The following GTF2E1 variants were observed in gnomAD, a reference collection of about 807,000 sequenced individuals.
GTF2E1 encodes the protein TFIIE alpha subunit.
GTF2E1 carries 14 observed loss-of-function variants against 34.9 expected under a neutral mutation model. The observed-to-expected ratio is 0.40, with a 90% CI of 0.27 to 0.63. The LOEUF (loss-of-function observed/expected upper bound fraction) is 0.63, where lower values mean the gene tolerates loss of function less well. GTF2E1 is among the 20% of genes least tolerant of loss of function. The probability of loss-of-function intolerance (pLI) is 0.39; values close to 1 mark genes in which losing one functional copy is unlikely to be tolerated. For missense variants in GTF2E1, 469 were observed against 557.7 expected (o/e 0.84, Z 1.60); for synonymous variants, 188 against 192.9 (o/e 0.97, Z 0.21).
chr3:120,748,094 G>T (rs1709124129), intron 1 of GTF2E1, among the ~76,000 whole-genome samples: 1 of 152,072 alleles, frequency 6.6e-6, no homozygotes, highest in South Asian at 2.1e-4. Flanking sequence ...TTTTGATGGG[G>T]TTGTTTGTTT....
intron 4 of GTF2E1, among the ~76,000 whole-genome samples, chr3:120,777,705 T>G (rs2107613791): frequency 6.6e-6 from 1 of 152,310 alleles, no homozygotes; most frequent in South Asian, 2.1e-4. Context: ...TACTTTACCC[T>G]CCTTCTTCCT....
chr3:120,780,155 A>G (rs1181212601), intron 4 of GTF2E1, among the ~76,000 whole-genome samples: 2 of 152,224 alleles, frequency 1.3e-5, no homozygotes, highest in Non-Finnish European at 2.9e-5. Context: ...TTCAGTGCCT[A>G]ACAGAGTGGC....
intron 1 of GTF2E1, among the ~76,000 whole-genome samples, chr3:120,743,298 T>A (rs1367343696): frequency 1.3e-5 from 2 of 152,202 alleles, no homozygotes; most frequent in Non-Finnish European, 2.9e-5. Context: ...CTGCAGTCAG[T>A]ACAATCTTTT....
intron 4 of GTF2E1, among the ~76,000 whole-genome samples, chr3:120,777,476 T>A (rs868220934): frequency 2.0e-4 from 30 of 152,282 alleles, no homozygotes; most frequent in Middle Eastern, 6.8e-3. Context: ...AGTTTGGTGA[T>A]ATGTTAGTGC....
intron 2 of GTF2E1, among the ~76,000 whole-genome samples, chr3:120,761,727 G>A (rs527868168): frequency 2.7e-5 from 4 of 150,520 alleles, no homozygotes; most frequent in East Asian, 3.9e-4. Context: ...GTAGTTGTGC[G>A]TTTTGAGTGA....
At chr3:120,746,033 T>C (rs1250640932) in intron 1 of GTF2E1, among the ~76,000 whole-genome samples, 1 of 152,176 alleles carries the variant, frequency 6.6e-6, no homozygotes, top group Non-Finnish European at 1.5e-5. Context: ...TGACTTTTAC[T>C]TTTCCTTTAT....
chr3:120,761,991 C>T (rs1037688591), intron 2 of GTF2E1, among the ~76,000 whole-genome samples: 26 of 151,986 alleles, frequency 1.7e-4, no homozygotes, highest in Admixed American at 6.5e-5. Context: ...GGGATTTCAC[C>T]GTGTTAGCCA....
chr3:120,776,269 A>T (rs1709398368), intron 3 of GTF2E1, among the ~76,000 whole-genome samples, 154 bp from the exon 4 acceptor site: 1 of 152,240 alleles, frequency 6.6e-6, no homozygotes, highest in African/African-American at 2.4e-5. Context: ...GAGGTATAGA[A>T]GCACTTTCTT....
At chr3:120,749,898 A>G (rs181292883) in intron 1 of GTF2E1, 3 of 152,208 alleles carry the variant, frequency 2.0e-5, no homozygotes, top group East Asian at 1.9e-4. Context: ...CTCATTTTCT[A>G]CCTTTTTAAG....
At chr3:120,747,988 C>G (rs1293798266) in intron 1 of GTF2E1, among the ~76,000 whole-genome samples, 1 of 151,894 alleles carries the variant, frequency 6.6e-6, no homozygotes, top group African/African-American at 2.4e-5. Context: ...ATTTGCATTT[C>G]TCTGATGGCC....
At chr3:120,770,969 A>G in intron 3 of GTF2E1, 40 bp downstream of exon 3, 1 of 1,536,834 alleles carries the variant, frequency 6.5e-7, no homozygotes, top group Non-Finnish European at 9.0e-7. Flanking sequence ...AACACATTTC[A>G]ACCTGTTCTT....
chr3:120,758,586 G>A (rs1261453941), intron 2 of GTF2E1, among the ~76,000 whole-genome samples: 3 of 43,098 alleles, frequency 7.0e-5, no homozygotes, highest in African/African-American at 1.5e-4. Context: ...TCCCACCCCC[G>A]ACAGGCCCTG....
chr3:120,768,153 A>C (rs568419990), intron 2 of GTF2E1, among the ~76,000 whole-genome samples: 2 of 152,230 alleles, frequency 1.3e-5, no homozygotes, highest in South Asian at 4.1e-4. Flanking sequence ...TTGGATAATG[A>C]TAATGCTAAG....
intron 1 of GTF2E1, chr3:120,750,031 G>A (rs73183712): frequency 0.021 from 3,255 of 153,224 alleles, 53 homozygotes; most frequent in Middle Eastern, 0.054. Flanking sequence ...CACCCCAGGT[G>A]GTGATTACTC....
chr3:120,766,764 A>C (rs981621540), intron 2 of GTF2E1, among the ~76,000 whole-genome samples: 4 of 151,928 alleles, frequency 2.6e-5, no homozygotes, highest in South Asian at 4.1e-4. Context: ...TTTCTTCCCT[A>C]CTAAAGCTTC....
intron 2 of GTF2E1, among the ~76,000 whole-genome samples, chr3:120,753,752 A>C (rs1416474025): frequency 6.6e-6 from 1 of 152,176 alleles, no homozygotes; most frequent in African/African-American, 2.4e-5. Flanking sequence ...ACTTCAGTTT[A>C]CTACTATTTC....
intron 1 of GTF2E1, among the ~76,000 whole-genome samples, chr3:120,746,132 G>C (rs1385895965): frequency 6.6e-6 from 1 of 152,152 alleles, no homozygotes; most frequent in African/African-American, 2.4e-5. Context: ...GTATGGTACT[G>C]TGGATATAAA....
chr3:120,777,125 G>C lies in GTF2E1; in HGVS notation c.892+461G>C, dbSNP rs77130611. On this transcript the variant is annotated intron_variant, in intron 4 of 4. Coordinates refer to ENST00000283875, the MANE Select transcript of GTF2E1 (RefSeq NM_005513.3). ...GATACAAAGAGACCACATGAATAAA[G>C]GATTGAGCATTCTCACAGTCCAAGA... Among the ~76,000 whole-genome samples the C allele has an allele frequency of 6.0e-3, 919 of 152,248 alleles. 13 individuals carry two copies. Among genetic ancestry groups the C allele is most frequent in the African/African-American group, 0.021 (869 of 41,546 alleles).
intron 2 of GTF2E1, among the ~76,000 whole-genome samples, chr3:120,760,224 C>T (rs1709247972): frequency 6.6e-6 from 1 of 152,130 alleles, no homozygotes; most frequent in Non-Finnish European, 1.5e-5. Flanking sequence ...CATGATTTGA[C>T]TCTCTGTTTA....
Sources: allele counts gnomAD v4.1 joint callset (sites outside exome capture counted in the v4.1 genomes callset), GRCh38; gene constraint gnomAD v4.1.1; transcripts MANE v1.5; gene names NCBI Gene and HGNC (gene_info 2026-07-23, HGNC 2026-07-21).